Variants in MAPK12 observed in about 807,000 individuals in gnomAD.
The protein encoded by MAPK12 is MAP kinase 12.
In MAPK12, 49 loss-of-function variants were observed where a neutral mutation model predicts 49.1. The ratio of observed to expected loss-of-function variants is 1.00; its 90% CI spans 0.79 to 1.27. MAPK12 has a LOEUF of 1.27. MAPK12 is among the 50% of genes most tolerant of loss of function. The probability of loss-of-function intolerance (pLI) is 0.00; values close to 1 mark genes in which losing one functional copy is unlikely to be tolerated. For synonymous variants in MAPK12, 251 were observed against 209.7 expected (o/e 1.20, Z -1.70); for missense variants, 554 against 502.4 (o/e 1.10, Z -0.98).
rs1369498916 is a variant in MAPK12 at position 50,252,948 on chromosome 22, C to T, written c.*453G>A. 2 of 258,166 alleles carry T rather than the reference C, an allele frequency of 7.7e-6. No individual in the cohort carries two copies. Among genetic ancestry groups the T allele is most frequent in the East Asian group, 1.1e-4 (1 of 8,976 alleles). The allele number at this position is 258,166 out of a possible 1,614,324, so 16.0% of individuals were successfully genotyped here. ...TTTCCTTCCAGCCACGCGGGCACCA[C>T]ACAGCTGATTTACATTCCAGGCTGG... On this transcript the variant is annotated 3_prime_UTR_variant, in exon 12 of 12. Transcript: ENST00000215659.
At chr22:50,258,931 G>A (rs1034364219) in intron 2 of MAPK12, among the ~76,000 whole-genome samples, 16 of 152,234 alleles carry the variant, frequency 1.1e-4, no homozygotes, top group Non-Finnish European at 1.5e-5. Context: ...CGAGGCAGGA[G>A]GGAGCACACT....
chr22:50,259,542 C>T (rs1321223324), intron 2 of MAPK12, among the ~76,000 whole-genome samples: 1 of 152,068 alleles, frequency 6.6e-6, no homozygotes, highest in Non-Finnish European at 1.5e-5. Context: ...GGGGTGGGCC[C>T]ACAGGCACAG....
Position 50,253,469 on chromosome 22 carries a change from TG to T in MAPK12, c.1035del (p.Tyr345Ter), listed in dbSNP as rs1346342540. 4 of 1,028,806 alleles carry T rather than the reference TG, an allele frequency of 3.9e-6. No homozygotes were observed. The Admixed American group carries it at 1.1e-4, about 29-fold the overall frequency. The allele number at this position is 1,028,806 out of a possible 1,614,324, so 63.7% of individuals were successfully genotyped here. A position where few individuals can be genotyped will look rare whatever the true frequency, so the allele number is the denominator to read the frequency against. On this transcript the variant is annotated frameshift_variant, in exon 12 of 12. Transcript: ENST00000215659. LOFTEE classifies it high-confidence loss of function. ...GGAGGCTTGAAGCTGAGCACCTCTT[TG>T]TAAGTAACACCTGGCGGGGGTGGGG... is the stretch of plus-strand genomic sequence containing the variant. Reference protein sequence around the residue: ...RTLDEWKRVTYKEVLSFKPPR... With the variant: ...RTLDEWKRVTXKEVLSFKPPR...
At position 50,255,545 on chromosome 22, in the gene MAPK12, A is replaced by C. The variant is rs747982608; in HGVS notation, c.772-14T>G. The C allele has an allele frequency of 6.2e-7, 1 of 1,613,118 alleles. No homozygotes were observed. Among genetic ancestry groups the C allele is most frequent in the Admixed American group, 1.7e-5 (1 of 60,030 alleles). ...GTAGTTCTTGGCCTGTGTGGGAAGA[A>C]AGGGTGAGGGGCCAACACCAAGGCC... On this transcript the variant is annotated splice_polypyrimidine_tract_variant and intron_variant, in intron 9 of 11. Coordinates refer to ENST00000215659, the MANE Select transcript of MAPK12 (RefSeq NM_002969.6).
At chr22:50,255,113 C>A (rs771174278) in intron 11 of MAPK12, 84 bp downstream of exon 11, 8 of 1,502,548 alleles carry the variant, frequency 5.3e-6, no homozygotes, top group Admixed American at 2.0e-5. Context: ...CTACCCGGAG[C>A]CCCCAACTCA....
chr22:50,257,077 C>G lies in MAPK12; in HGVS notation c.426+5G>C. On this transcript the variant is annotated splice_donor_5th_base_variant and intron_variant, in intron 4 of 11. Transcript: ENST00000215659. ...CCTCCCTGCAGCCTCCCCCGGGGCC[C>G]GTACCCTCAGCCCCTTCAGCATCTG... The G allele has an allele frequency of 6.2e-7, 1 of 1,611,506 alleles. No homozygotes were observed. Among genetic ancestry groups the G allele is most frequent in the Non-Finnish European group, 8.5e-7 (1 of 1,179,350 alleles).
In MAPK12 at chr22:50,255,195, A is replaced by G; in HGVS notation, c.1024+2T>C. The G allele has an allele frequency of 6.2e-7, 1 of 1,613,330 alleles. No individual in the cohort carries two copies. The highest frequency in any genetic ancestry group is 8.5e-7 in the Non-Finnish European group (1 of 1,179,872). ...AGGCCGTGCCAGGAGCCCCCCACTC[A>G]CGCTTCCATTCATCCAGTGTGCGGT... On this transcript the variant is annotated splice_donor_variant, in intron 11 of 11. Coordinates refer to ENST00000215659, the MANE Select transcript of MAPK12 (RefSeq NM_002969.6). LOFTEE classifies it high-confidence loss of function.
At chr22:50,254,835 C>T (rs2065131631) in intron 11 of MAPK12, 2 of 1,173,924 alleles carry the variant, frequency 1.7e-6, no homozygotes, top group South Asian at 3.6e-5. Context: ...CCCTGACTCA[C>T]AGCTGCCTTT....
rs547755179 is a variant in MAPK12, at chr22:50,257,284, G to A, written c.315-91C>T. ...GCAGGCCCAGGCTCAGACCCGTCCC[G>A]GATCCAACAGGCACCCCCAGGAAGG... On this transcript the variant is annotated intron_variant, in intron 3 of 11. Coordinates refer to ENST00000215659, the MANE Select transcript of MAPK12 (RefSeq NM_002969.6). The A allele has an allele frequency of 2.7e-4, 256 of 941,848 alleles. No individual in the cohort carries two copies. The East Asian group carries it at 4.6e-3, about 17-fold the overall frequency. 58.3% of individuals were successfully genotyped at this position (941,848 alleles called of 1,614,324 possible).
chr22:50,258,332 G>A (rs2065174482), intron 2 of MAPK12, 31 bp from the exon 3 acceptor site: 2 of 1,600,776 alleles, frequency 1.2e-6, no homozygotes, highest in African/African-American at 1.3e-5. Context: ...TGAGAATGCA[G>A]CAGAGGACAC....
At position 50,255,312 on chromosome 22, in the gene MAPK12, G is replaced by C. The variant is rs199596907; in HGVS notation, c.909C>G (p.Gly303=). The change falls in exon 11 of 12, where the codon GGC becomes GGG. Residue 303 remains glycine, a synonymous_variant. Coordinates refer to ENST00000215659, the MANE Select transcript of MAPK12 (RefSeq NM_002969.6). ...CGAAGTAGGGATGGGCCAGCGCCTC[G>C]CCTGCCGTCACCCGCTGCTCCGCGT... is the stretch of plus-strand genomic sequence containing the variant. ...VLDAEQRVTA[G]EALAHPYFES... 6 of 1,613,394 alleles carry C rather than the reference G, an allele frequency of 3.7e-6. No individual in the cohort carries two copies. In the East Asian group the frequency reaches 1.3e-4, roughly 36 times the overall value.
intron 11 of MAPK12, chr22:50,254,708 G>A (rs958920766): frequency 1.9e-6 from 2 of 1,057,638 alleles, no homozygotes; most frequent in South Asian, 3.2e-5. Flanking sequence ...TGTGAGCAGA[G>A]AGGCCTTAGG....
In MAPK12 at chr22:50,261,316, G is replaced by A; in HGVS notation, c.126-20C>T. ...GCCGAGCTGCGGGGCGGACCGCTTAGCGGGAAGGCCGGGCACCCCGCGCAG... is the reference window on the plus strand; with the variant it reads ...GCCGAGCTGCGGGGCGGACCGCTTAACGGGAAGGCCGGGCACCCCGCGCAG... On this transcript the variant is annotated intron_variant, in intron 1 of 11. Transcript: ENST00000215659. 7.3e-7 allele frequency: 1 copy of A among 1,362,276 alleles called. No individual in the cohort carries two copies. The highest frequency in any genetic ancestry group is 9.6e-7 in the Non-Finnish European group (1 of 1,044,122). The allele number at this position is 1,362,276 out of a possible 1,614,324, so 84.4% of individuals were successfully genotyped here. A position where few individuals can be genotyped will look rare whatever the true frequency, so the allele number is the denominator to read the frequency against.
At chr22:50,256,511 C>A in intron 6 of MAPK12, 88 bp downstream of exon 6, 1 of 1,505,144 alleles carries the variant, frequency 6.6e-7, no homozygotes, top group Non-Finnish European at 9.0e-7. Context: ...GACCTTGGCC[C>A]CCTGCCCAGG....
At chr22:50,254,936 C>T in intron 11 of MAPK12, 2 of 1,368,274 alleles carry the variant, frequency 1.5e-6, no homozygotes, top group Non-Finnish European at 1.9e-6. Flanking sequence ...CAGAGGTCAT[C>T]TCCACCAGGC....
chr22:50,253,923 CA>C lies in MAPK12; in HGVS notation c.1025-444del, dbSNP rs2065123244. On this transcript the variant is annotated intron_variant, in intron 11 of 11. Transcript: ENST00000215659. ...GGTCGTAAGGAGCACATGTGAATCT[CA>C]ACCCATCCAGCCCCACCCAGCCAGT... 3.9e-5 allele frequency: 7 copies of C among 178,840 alleles called. No homozygotes were observed. The South Asian group carries it at 7.4e-4, about 19-fold the overall frequency. The allele number at this position is 178,840 out of a possible 1,614,324, so 11.1% of individuals were successfully genotyped here.
At position 50,256,273 on chromosome 22, in the gene MAPK12, C is replaced by T. The variant is rs1348430148; in HGVS notation, c.505-74G>A. The T allele has an allele frequency of 4.2e-6, 5 of 1,181,976 alleles. No individual in the cohort carries two copies. The Admixed American group carries it at 6.5e-5, about 15-fold the overall frequency. The allele number at this position is 1,181,976 out of a possible 1,614,324, so 73.2% of individuals were successfully genotyped here. A position where few individuals can be genotyped will look rare whatever the true frequency, so the allele number is the denominator to read the frequency against. ...GACAGGCCACCCACGGTCCAGGAGA[C>T]CCCGGGGGGTTGGACTTGAAGCTCC... On this transcript the variant is annotated intron_variant, in intron 6 of 11. Coordinates refer to ENST00000215659, the MANE Select transcript of MAPK12 (RefSeq NM_002969.6).
chr22:50,261,620 T>TCGCCCGCC lies in MAPK12; in HGVS notation c.-119_-112dup, dbSNP rs1035493036. 3.0e-5 allele frequency: 29 copies of TCGCCCGCC among 953,208 alleles called. No individual in the cohort carries two copies. Among genetic ancestry groups the TCGCCCGCC allele is most frequent in the Admixed American group, 7.7e-5 (1 of 13,020 alleles). 59.0% of individuals were successfully genotyped at this position (953,208 alleles called of 1,614,324 possible). ...GGCCGGCTCCGCGCCGCTCGTCCGC[T>TCGCCCGCC]CGCCCGCCCGCCCGCCGGCCGCTGG... is the stretch of plus-strand genomic sequence containing the variant. On this transcript the variant is annotated 5_prime_UTR_variant, in exon 1 of 12. Transcript: ENST00000215659.
At chr22:50,258,058 G>A (rs1045238840) in intron 3 of MAPK12, 185 bp downstream of exon 3, 27 of 723,172 alleles carry the variant, frequency 3.7e-5, no homozygotes, top group South Asian at 8.9e-5. Context: ...GCCAGTGCCC[G>A]TGGGTCCCAG....
Sources: allele counts gnomAD v4.1 joint callset (sites outside exome capture counted in the v4.1 genomes callset), GRCh38; gene constraint gnomAD v4.1.1; transcripts MANE v1.5; gene names NCBI Gene and HGNC (gene_info 2026-07-23, HGNC 2026-07-21).